Variants in ADGRL3 observed in about 807,000 individuals in gnomAD.
ADGRL3 encodes calcium-independent alpha-latrotoxin receptor 3.
Under a neutral mutation model 153.5 loss-of-function variants are expected in ADGRL3, and 62 were observed. The ratio of observed to expected loss-of-function variants is 0.40; its 90% confidence interval spans 0.33 to 0.50. The LOEUF is 0.50. Ranked by LOEUF, ADGRL3 falls within the 20% of genes least tolerant of loss-of-function variation. ADGRL3 has a pLI of 0.47. For missense variants in ADGRL3, 1,641 were observed against 1,859.4 expected (o/e 0.88, Z 2.16); for synonymous variants, 710 against 672.5 (o/e 1.06, Z -0.86).
rs189712798 is a variant in ADGRL3 at position 62,074,828 on chromosome 4, T to C, written c.*3920T>C. 45 of 152,298 alleles carry C rather than the reference T, an allele frequency of 3.0e-4. No individual in the cohort carries two copies. The highest frequency in any genetic ancestry group is 9.4e-4 in the African/African-American group (39 of 41,582). The allele number at this position is 152,298 out of a possible 1,614,324, so 9.4% of individuals were successfully genotyped here. A position where few individuals can be genotyped will look rare whatever the true frequency, so the allele number is the denominator to read the frequency against. On this transcript the variant is annotated 3_prime_UTR_variant, in exon 27 of 27. Coordinates refer to ENST00000683033, the MANE Select transcript of ADGRL3 (RefSeq NM_001387552.1). ...TTAAGATCTAGGTTTAAGATTCTTA[T>C]TAGTATTAACTTAATTGGTATGACA... is the stretch of plus-strand genomic sequence containing the variant.
chr4:61,486,044 C>T (rs992128947), intron 2 of ADGRL3, among the ~76,000 whole-genome samples: 5 of 151,964 alleles, frequency 3.3e-5, no homozygotes, highest in African/African-American at 9.6e-5. Context: ...CCCAGGTTCA[C>T]GCCATTCTCC....
At chr4:62,066,588 T>G (rs1483213454) in intron 25 of ADGRL3, among the ~76,000 whole-genome samples, 2 of 152,182 alleles carry the variant, frequency 1.3e-5, no homozygotes, top group Non-Finnish European at 2.9e-5. Flanking sequence ...TAAATCACAT[T>G]ATACAAAAAC....
intron 21 of ADGRL3, among the ~76,000 whole-genome samples, chr4:62,013,427 C>T (rs940647880): frequency 2.0e-5 from 3 of 151,188 alleles, no homozygotes; most frequent in Non-Finnish European, 3.0e-5. Flanking sequence ...CTGTAATCCC[C>T]GCTACTCAGG....
chr4:61,912,836 A>G, intron 13 of ADGRL3, 79 bp downstream of exon 13: 1 of 1,297,912 alleles, frequency 7.7e-7, no homozygotes, highest in Admixed American at 1.7e-5. Context: ...CCTGATAGAA[A>G]AATGATAATG....
chr4:61,934,770 G>A, intron 13 of ADGRL3, 70 bp from the exon 14 acceptor site: 3 of 1,242,748 alleles, frequency 2.4e-6, no homozygotes, highest in Non-Finnish European at 3.5e-6. Context: ...TGGGCAACAT[G>A]TACACCTGGA....
chr4:61,475,955 T>C (rs940586760), intron 2 of ADGRL3, among the ~76,000 whole-genome samples: 2 of 152,120 alleles, frequency 1.3e-5, no homozygotes, highest in Non-Finnish European at 2.9e-5. Flanking sequence ...AAAAGATAAA[T>C]CAACTCAAAA....
chr4:61,569,274 ATT>A (rs1419893485), intron 4 of ADGRL3, among the ~76,000 whole-genome samples: 36 of 152,254 alleles, frequency 2.4e-4, no homozygotes, highest in African/African-American at 8.7e-4. Context: ...TTTATATGTA[ATT>A]CACATGCCAT....
chr4:61,849,425 A>G (rs2098174998), intron 9 of ADGRL3, among the ~76,000 whole-genome samples: 1 of 152,108 alleles, frequency 6.6e-6, no homozygotes, highest in South Asian at 2.1e-4. Context: ...GCTCTGTATC[A>G]TTAGGATGGA....
chr4:61,463,896 G>A (rs922540776), intron 2 of ADGRL3, among the ~76,000 whole-genome samples: 1 of 152,054 alleles, frequency 6.6e-6, no homozygotes, highest in African/African-American at 2.4e-5. Flanking sequence ...CATACTTGAA[G>A]GTGTGTTTGT....
At chr4:61,748,966 C>A (rs1421272151) in intron 8 of ADGRL3, among the ~76,000 whole-genome samples, 2 of 151,344 alleles carry the variant, frequency 1.3e-5, no homozygotes, top group Non-Finnish European at 2.9e-5. Flanking sequence ...ACTCATCTGA[C>A]AAAGGGCTAA....
At chr4:61,863,741 T>C (rs548053046) in intron 9 of ADGRL3, among the ~76,000 whole-genome samples, 3 of 152,356 alleles carry the variant, frequency 2.0e-5, no homozygotes, top group Admixed American at 2.0e-4. Flanking sequence ...GTAATAACTT[T>C]TTATTGGCAA....
chr4:61,253,740 T>G (rs1206213631), intron 1 of ADGRL3, among the ~76,000 whole-genome samples: 1 of 152,080 alleles, frequency 6.6e-6, no homozygotes, highest in Non-Finnish European at 1.5e-5. Context: ...TAGGATTAAG[T>G]ATATTTATAG....
intron 2 of ADGRL3, among the ~76,000 whole-genome samples, chr4:61,444,216 C>A (rs2097557101): frequency 6.6e-6 from 1 of 152,164 alleles, no homozygotes; most frequent in Non-Finnish European, 1.5e-5. Flanking sequence ...TTAATTCCTT[C>A]TGATAAGCAG....
chr4:61,221,383 G>A lies in ADGRL3; in HGVS notation c.-240+19618G>A, dbSNP rs1045850984. On this transcript the variant is annotated intron_variant, in intron 1 of 26. Transcript: ENST00000683033. ...GCCTGTGAGAACTTGCCCTTCAAAG[G>A]TGGGCTCGTAATATGATGTCAATAT... 2.6e-5 allele frequency among the ~76,000 whole-genome samples: 4 copies of A among 152,218 alleles called. No homozygotes were observed. The East Asian group carries it at 5.8e-4, about 22-fold the overall frequency.
chr4:61,287,136 A>G (rs1010088616), intron 1 of ADGRL3, among the ~76,000 whole-genome samples: 1 of 151,860 alleles, frequency 6.6e-6, no homozygotes, highest in Non-Finnish European at 1.5e-5. Context: ...AATACGTTTT[A>G]CCACACCAAG....
chr4:61,590,610 C>T (rs139463609), intron 5 of ADGRL3, among the ~76,000 whole-genome samples: 2,304 of 152,188 alleles, frequency 0.015, 53 homozygotes, highest in African/African-American at 0.052. Flanking sequence ...CGTGTTTTCT[C>T]CCCATAAAAC....
At chr4:61,348,792 CT>C (rs557373164) in intron 1 of ADGRL3, among the ~76,000 whole-genome samples, 2 of 151,926 alleles carry the variant, frequency 1.3e-5, no homozygotes, top group Non-Finnish European at 2.9e-5. Context: ...ATAAATCTGC[CT>C]TTTAATATTT....
intron 1 of ADGRL3, among the ~76,000 whole-genome samples, chr4:61,275,507 A>G (rs927662280): frequency 3.3e-5 from 5 of 152,206 alleles, no homozygotes; most frequent in Non-Finnish European, 7.3e-5. Context: ...ATCTGAAGAT[A>G]AAGCACTGGG....
intron 9 of ADGRL3, among the ~76,000 whole-genome samples, chr4:61,840,849 T>C (rs1173706933): frequency 6.6e-6 from 1 of 152,198 alleles, no homozygotes; most frequent in Non-Finnish European, 1.5e-5. Context: ...AGTTTCCTTC[T>C]TTGGCAGAAG....
Sources: gnomAD v4.1 joint callset for allele counts (sites outside exome capture counted in the v4.1 genomes callset) on GRCh38, gnomAD v4.1.1 for gene constraint, MANE v1.5 for transcripts, NCBI Gene and HGNC (gene_info 2026-07-23, HGNC 2026-07-21) for gene names.